The following CMIP variants were observed in gnomAD, a reference collection of about 807,000 sequenced individuals.
CMIP encodes c-Maf inducing protein.
A neutral mutation model predicts 97.3 loss-of-function variants in CMIP; 13 were observed. That is an observed-to-expected ratio of 0.13 (90% CI 0.09 to 0.21). CMIP has a LOEUF of 0.21. Among genes scored for constraint, CMIP ranks in the 10% least tolerant of loss-of-function variants. CMIP has a pLI of 1.00. For missense variants in CMIP, 847 were observed against 1,024.9 expected (o/e 0.83, Z 2.37); for synonymous variants, 538 against 436.3 (o/e 1.23, Z -2.91).
intron 7 of CMIP, among the ~76,000 whole-genome samples, chr16:81,668,898 T>G (rs1490772420): frequency 1.0e-5 from 1 of 95,620 alleles, no homozygotes; most frequent in African/African-American, 4.1e-5. Flanking sequence ...CGTACCCACC[T>G]CACACCTTCC....
intron 1 of CMIP, chr16:81,495,252 G>C: frequency 3.0e-6 from 4 of 1,340,814 alleles, no homozygotes; most frequent in South Asian, 1.6e-5. Flanking sequence ...GATGGTCAGA[G>C]TGGACCTCTC....
At chr16:81,610,325 G>T in intron 2 of CMIP, 1 of 985,652 alleles carries the variant, frequency 1.0e-6, no homozygotes, top group Non-Finnish European at 1.2e-6. Flanking sequence ...GAGGAGCCGA[G>T]CGGGCGGGGA....
intron 1 of CMIP, among the ~76,000 whole-genome samples, chr16:81,499,444 A>C (rs908982667): frequency 6.6e-6 from 1 of 152,184 alleles, no homozygotes; most frequent in Non-Finnish European, 1.5e-5. Flanking sequence ...CCAAGTGCCC[A>C]GTTCGGGAGG....
At chr16:81,597,333 TACTCTGGTA>T (rs2150927288) in intron 1 of CMIP, among the ~76,000 whole-genome samples, 1 of 152,326 alleles carries the variant, frequency 6.6e-6, no homozygotes, top group Non-Finnish European at 1.5e-5. Context: ...GATGGTCTCA[TACTCTGGTA>T]ACCCCTCTGG....
intron 1 of CMIP, chr16:81,518,976 C>T (rs535091846): frequency 6.6e-6 from 1 of 152,126 alleles, no homozygotes; most frequent in South Asian, 2.1e-4. Flanking sequence ...GCTGGGATTA[C>T]AGGCGCCCGC....
rs1358285918 is a variant in CMIP, at chr16:81,710,547, AAAAG to A, written c.*751_*754del. 6.6e-6 allele frequency: 1 copy of A among 152,296 alleles called. No individual in the cohort carries two copies. Among genetic ancestry groups the A allele is most frequent in the Non-Finnish European group, 1.5e-5 (1 of 68,006 alleles). The allele number at this position is 152,296 out of a possible 1,614,324, so 9.4% of individuals were successfully genotyped here. On this transcript the variant is annotated 3_prime_UTR_variant, in exon 21 of 21. Transcript: ENST00000537098. ...ACAGACAACAAAAAGAAGAAAAAAA[AAAAG>A]AACCTCCTTGGAAAAATTAATTGCT...
intron 3 of CMIP, among the ~76,000 whole-genome samples, chr16:81,647,858 T>C (rs2092381096): frequency 6.6e-6 from 1 of 151,660 alleles, no homozygotes; most frequent in South Asian, 2.1e-4. Context: ...TCAGAGCCTC[T>C]TCTGGGAACA....
At chr16:81,572,864 G>A (rs1160150393) in intron 1 of CMIP, among the ~76,000 whole-genome samples, 1 of 152,154 alleles carries the variant, frequency 6.6e-6, no homozygotes, top group East Asian at 1.9e-4. Context: ...ATTAGCACCA[G>A]CATCAGTCCT....
chr16:81,633,405 A>G (rs533488835), intron 3 of CMIP, among the ~76,000 whole-genome samples: 2 of 152,362 alleles, frequency 1.3e-5, no homozygotes, highest in East Asian at 1.9e-4. Flanking sequence ...GATGAGGCCA[A>G]ACAGAGACTT....
chr16:81,557,350 A>C (rs920019696), intron 1 of CMIP, among the ~76,000 whole-genome samples: 1 of 152,064 alleles, frequency 6.6e-6, no homozygotes, highest in Non-Finnish European at 1.5e-5. Flanking sequence ...GAATTTACTG[A>C]TGTTGGTTGA....
At chr16:81,571,216 A>G (rs988785924) in intron 1 of CMIP, among the ~76,000 whole-genome samples, 17 of 152,126 alleles carry the variant, frequency 1.1e-4, no homozygotes, top group African/African-American at 3.9e-4. Flanking sequence ...CATGCCTACA[A>G]TCCCAGCATT....
At chr16:81,583,397 C>T (rs1005214339) in intron 1 of CMIP, among the ~76,000 whole-genome samples, 4 of 152,250 alleles carry the variant, frequency 2.6e-5, no homozygotes, top group Non-Finnish European at 5.9e-5. Flanking sequence ...GGCCACTGAT[C>T]TATTCTTGTC....
chr16:81,690,193 A>T (rs919790772), intron 10 of CMIP, among the ~76,000 whole-genome samples: 3 of 152,210 alleles, frequency 2.0e-5, no homozygotes, highest in African/African-American at 7.2e-5. Flanking sequence ...TCTGTGAAGA[A>T]AGTCATTGGT....
At chr16:81,585,781 A>T (rs759656208) in intron 1 of CMIP, among the ~76,000 whole-genome samples, 4 of 152,018 alleles carry the variant, frequency 2.6e-5, no homozygotes, top group Non-Finnish European at 5.9e-5. Flanking sequence ...TGCAGCCCCA[A>T]ATGCCCTTCC....
At chr16:81,535,729 C>G (rs1381773964) in intron 1 of CMIP, among the ~76,000 whole-genome samples, 1 of 152,098 alleles carries the variant, frequency 6.6e-6, no homozygotes, top group African/African-American at 2.4e-5. Flanking sequence ...TGTTCAGACA[C>G]TCGTTTACAG....
At position 81,621,214 on chromosome 16, in the gene CMIP, G is replaced by T; in HGVS notation, c.477+288G>T. On this transcript the variant is annotated intron_variant, in intron 3 of 20. Transcript: ENST00000537098. This position sits in a 1 kb window ranked among gnomAD's most constrained non-coding sequence, Gnocchi z 4.1. ...AACTGCTTGCTCTCAGAGTGAGGGC[G>T]ACCCTGAGGGGAGTCCAGCCGGGGA... 3.4e-6 allele frequency: 1 copy of T among 295,144 alleles called. No homozygotes were observed. Among genetic ancestry groups the T allele is most frequent in the East Asian group, 6.7e-5 (1 of 14,860 alleles). 18.3% of individuals were successfully genotyped at this position (295,144 alleles called of 1,614,324 possible).
At chr16:81,585,978 G>A (rs1381103679) in intron 1 of CMIP, among the ~76,000 whole-genome samples, 2 of 152,294 alleles carry the variant, frequency 1.3e-5, no homozygotes, top group Admixed American at 6.5e-5. Context: ...GCGCTGCCGG[G>A]GAAGGCCTGT....
At chr16:81,472,445 G>A (rs558005628) in intron 1 of CMIP, among the ~76,000 whole-genome samples, 6 of 152,282 alleles carry the variant, frequency 3.9e-5, no homozygotes, top group East Asian at 1.9e-4. Context: ...TGCCCCATGC[G>A]TGGAGGAGTG....
chr16:81,541,790 G>T (rs2150840094), intron 1 of CMIP, among the ~76,000 whole-genome samples: 1 of 152,288 alleles, frequency 6.6e-6, no homozygotes, highest in African/African-American at 2.4e-5. Flanking sequence ...AGAAGCTGCA[G>T]CTTGTCAATC....
Sources: allele counts gnomAD v4.1 joint callset (sites outside exome capture counted in the v4.1 genomes callset), GRCh38; gene constraint gnomAD v4.1.1; non-coding constraint Gnocchi (gnomAD v3.1); transcripts MANE v1.5; gene names NCBI Gene and HGNC (gene_info 2026-07-23, HGNC 2026-07-21).